GRM5: variants seen among roughly 807,000 people sequenced by gnomAD.
GRM5 encodes glutamate metabotropic receptor 5.
GRM5 carries 19 observed loss-of-function variants against 83.1 expected under a neutral mutation model. That is an observed-to-expected ratio of 0.23 (90% CI 0.16 to 0.34). GRM5 has a LOEUF of 0.34. Among genes scored for constraint, GRM5 ranks in the 10% least tolerant of loss-of-function variants. The pLI, the probability that GRM5 is intolerant of heterozygous loss-of-function variation, is 1.00. For missense variants in GRM5, 1,160 were observed against 1,588.3 expected (o/e 0.73, Z 4.58); for synonymous variants, 675 against 633.6 (o/e 1.07, Z -0.98).
At chr11:88,756,774 A>G (rs527951166) in intron 3 of GRM5, among the ~76,000 whole-genome samples, 1 of 152,270 alleles carries the variant, frequency 6.6e-6, no homozygotes, top group Non-Finnish European at 1.5e-5. Context: ...AGAAGAGTAA[A>G]AAGATAAGGG....
intron 2 of GRM5, among the ~76,000 whole-genome samples, chr11:88,869,192 C>T (rs1404302301): frequency 6.6e-6 from 1 of 151,582 alleles, no homozygotes; most frequent in Non-Finnish European, 1.5e-5. Context: ...GGGGACACTT[C>T]TGGCTAAGAA....
intron 3 of GRM5, among the ~76,000 whole-genome samples, chr11:88,771,077 G>A (rs377434702): frequency 6.6e-6 from 1 of 152,180 alleles, no homozygotes; most frequent in Non-Finnish European, 1.5e-5. Context: ...TTAATATGTA[G>A]CTAATAGCAT....
Position 88,810,638 on chromosome 11 carries a change from G to C in GRM5, c.911+39268C>G, listed in dbSNP as rs61070954. The stretch of plus-strand genomic sequence containing the variant: ...TTGCTCCTACAAACATGCAGCATAG[G>C]AGGAAGGGAAACAGCTTTTACTGAG... On this transcript the variant is annotated intron_variant, in intron 3 of 9. Coordinates refer to ENST00000305447, the MANE Select transcript of GRM5 (RefSeq NM_001143831.3). 5.1e-3 allele frequency among the ~76,000 whole-genome samples: 780 copies of C among 152,170 alleles called. 14 individuals carry two copies. The highest frequency in any genetic ancestry group is 0.018 in the African/African-American group (756 of 41,538).
intron 8 of GRM5, among the ~76,000 whole-genome samples, chr11:88,555,481 G>C (rs1942605427): frequency 6.6e-6 from 1 of 152,086 alleles, no homozygotes; most frequent in South Asian, 2.1e-4. Context: ...TTGCTTTTCA[G>C]TTACTGTTTG....
chr11:88,832,746 T>C (rs184305569), intron 3 of GRM5, among the ~76,000 whole-genome samples: 1 of 152,116 alleles, frequency 6.6e-6, no homozygotes, highest in Non-Finnish European at 1.5e-5. Flanking sequence ...CAAAACAATA[T>C]GGTATGATAG....
intron 6 of GRM5, among the ~76,000 whole-genome samples, chr11:88,591,053 A>C (rs1297823193): frequency 6.6e-6 from 1 of 152,104 alleles, no homozygotes. Flanking sequence ...AACTGAATTC[A>C]CCCCAGGATC....
At chr11:88,832,029 C>A (rs1470138955) in intron 3 of GRM5, among the ~76,000 whole-genome samples, 1 of 152,126 alleles carries the variant, frequency 6.6e-6, no homozygotes, top group South Asian at 2.1e-4. Flanking sequence ...CTGTCTCCAG[C>A]AAAACATCAC....
intron 3 of GRM5, among the ~76,000 whole-genome samples, chr11:88,787,255 A>C (rs909702328): frequency 6.6e-6 from 1 of 151,948 alleles, no homozygotes; most frequent in Non-Finnish European, 1.5e-5. Flanking sequence ...TCATTTATAG[A>C]GTTGGTGAGC....
intron 2 of GRM5, among the ~76,000 whole-genome samples, chr11:88,930,609 C>T (rs998175832): frequency 6.6e-6 from 1 of 151,418 alleles, no homozygotes; most frequent in African/African-American, 2.4e-5. Context: ...CTCACTGCAA[C>T]CTCTGGTTGC....
At chr11:88,989,726 T>C (rs1337268687) in intron 2 of GRM5, among the ~76,000 whole-genome samples, 1 of 141,064 alleles carries the variant, frequency 7.1e-6, no homozygotes, top group Non-Finnish European at 1.5e-5. Context: ...ACCGCTCAAC[T>C]ACATGGAAAC....
intron 2 of GRM5, among the ~76,000 whole-genome samples, chr11:88,856,822 C>T (rs1299143621): frequency 6.6e-6 from 1 of 151,876 alleles, no homozygotes; most frequent in African/African-American, 2.4e-5. Context: ...TCTTATGGGA[C>T]CACTGTGGCA....
In GRM5 at chr11:89,024,638, A is replaced by G. The variant is rs528755827; in HGVS notation, c.661+22574T>C. On this transcript the variant is annotated intron_variant, in intron 2 of 9. Transcript: ENST00000305447. Reference sequence around the variant, plus strand: ...TAACAGAAAATATTTGTATTCTATTATAATATATTATGACCAAAAATATCG... The same window carrying G: ...TAACAGAAAATATTTGTATTCTATTGTAATATATTATGACCAAAAATATCG... Among the ~76,000 whole-genome samples, 4 of 152,320 alleles carry G rather than the reference A, an allele frequency of 2.6e-5. No homozygotes were observed. In the South Asian group the frequency reaches 8.3e-4, roughly 32 times the overall value.
chr11:88,986,815 A>G (rs1296185486), intron 2 of GRM5, among the ~76,000 whole-genome samples: 1 of 133,916 alleles, frequency 7.5e-6, no homozygotes, highest in Non-Finnish European at 1.5e-5. Flanking sequence ...CTTTCCTTCT[A>G]GTTTTCCTAT....
chr11:88,731,624 TTTG>T (rs938563018), intron 3 of GRM5, among the ~76,000 whole-genome samples: 12 of 151,940 alleles, frequency 7.9e-5, no homozygotes, highest in South Asian at 6.2e-4. Flanking sequence ...TTGATGGGAT[TTTG>T]TTGTTGTTGT....
At chr11:88,673,249 G>A (rs1940236949) in intron 3 of GRM5, among the ~76,000 whole-genome samples, 1 of 151,856 alleles carries the variant, frequency 6.6e-6, no homozygotes, top group Non-Finnish European at 1.5e-5. Flanking sequence ...TGGAAAATAA[G>A]GAACTGAAGT....
intron 8 of GRM5, among the ~76,000 whole-genome samples, chr11:88,530,362 T>A (rs1055991586): frequency 2.0e-5 from 3 of 152,046 alleles, no homozygotes; most frequent in African/African-American, 7.2e-5. Flanking sequence ...AAGCTTGGCA[T>A]GAAAAACTCT....
intron 3 of GRM5, among the ~76,000 whole-genome samples, chr11:88,735,290 A>C (rs1168656008): frequency 6.6e-6 from 1 of 152,036 alleles, no homozygotes; most frequent in Non-Finnish European, 1.5e-5. Flanking sequence ...CTTTGTGGTC[A>C]GTAAATTTTG....
At chr11:88,997,730 A>T (rs1041092188) in intron 2 of GRM5, among the ~76,000 whole-genome samples, 1 of 152,160 alleles carries the variant, frequency 6.6e-6, no homozygotes, top group Non-Finnish European at 1.5e-5. Flanking sequence ...TGAAATGCAT[A>T]GACAATCACA....
At chr11:88,714,392 A>G (rs1941353396) in intron 3 of GRM5, among the ~76,000 whole-genome samples, 1 of 152,050 alleles carries the variant, frequency 6.6e-6, no homozygotes, top group Non-Finnish European at 1.5e-5. Context: ...GGCCAGCTGC[A>G]AAATGTGACA....
Sources: gnomAD v4.1 joint callset for allele counts (sites outside exome capture counted in the v4.1 genomes callset) on GRCh38, gnomAD v4.1.1 for gene constraint, MANE v1.5 for transcripts, NCBI Gene and HGNC (gene_info 2026-07-23, HGNC 2026-07-21) for gene names.